Variants in ADK observed in about 807,000 individuals in gnomAD.
ADK encodes the protein adenosine kinase.
ADK carries 24 observed loss-of-function variants against 44.7 expected under a neutral mutation model. The observed-to-expected ratio is 0.54, with a 90% CI of 0.39 to 0.76. The LOEUF is 0.76. Ranked by LOEUF, ADK falls within the 30% of genes least tolerant of loss-of-function variation. The pLI, the probability that ADK is intolerant of heterozygous loss-of-function variation, is 0.00. For missense variants in ADK, 321 were observed against 425.1 expected (o/e 0.76, Z 2.15); for synonymous variants, 128 against 142.6 (o/e 0.90, Z 0.73).
intron 6 of ADK, among the ~76,000 whole-genome samples, chr10:74,435,213 G>C (rs527789748): frequency 6.6e-6 from 1 of 152,170 alleles, no homozygotes; most frequent in African/African-American, 2.4e-5. Flanking sequence ...ATAACTGCTA[G>C]ATGGAATTGA....
At chr10:74,595,868 G>A (rs1851904365) in intron 8 of ADK, among the ~76,000 whole-genome samples, 2 of 150,864 alleles carry the variant, frequency 1.3e-5, no homozygotes, top group South Asian at 2.1e-4. Context: ...GTGGTGGCGG[G>A]CACCTGTAAT....
intron 6 of ADK, among the ~76,000 whole-genome samples, chr10:74,461,577 G>A (rs1170312181): frequency 1.3e-5 from 2 of 152,000 alleles, no homozygotes; most frequent in Non-Finnish European, 2.9e-5. Context: ...CTGACGTAGA[G>A]CTTTCCACAT....
rs969151457 is a variant in ADK, at chr10:74,515,056, C to T, written c.556-10200C>T. ...GCCCAGGCTTTTTCTTGCTTTTTCA[C>T]GGTTGATGTGTCCCTGTGTTGATTT... is the stretch of plus-strand genomic sequence containing the variant. On this transcript the variant is annotated intron_variant, in intron 6 of 10. Coordinates refer to ENST00000539909, the MANE Select transcript of ADK (RefSeq NM_006721.4). Among the ~76,000 whole-genome samples the T allele has an allele frequency of 3.3e-5, 5 of 152,132 alleles. No individual in the cohort carries two copies. The East Asian group carries it at 5.8e-4, about 18-fold the overall frequency.
At chr10:74,471,375 A>G (rs896811951) in intron 6 of ADK, among the ~76,000 whole-genome samples, 3 of 152,122 alleles carry the variant, frequency 2.0e-5, no homozygotes, top group Non-Finnish European at 4.4e-5. Flanking sequence ...TGCCTGGCCT[A>G]TCAGTACTAT....
intron 6 of ADK, among the ~76,000 whole-genome samples, chr10:74,414,392 A>G (rs1453578121): frequency 6.6e-6 from 1 of 152,164 alleles, no homozygotes; most frequent in Non-Finnish European, 1.5e-5. Flanking sequence ...TGTTACTTCC[A>G]CCTTAGTAGG....
chr10:74,229,598 C>T (rs1197688036), intron 3 of ADK, among the ~76,000 whole-genome samples: 5 of 151,908 alleles, frequency 3.3e-5, no homozygotes, highest in Admixed American at 6.6e-5. Context: ...AGGGTTTTGC[C>T]GTGTTAGCCA....
rs368233679 is a variant in ADK, at chr10:74,430,574, G to GC, written c.555+31996dup. Reference sequence around the variant, plus strand: ...GTTCATGACCAGCCTGGTCAACGTAGCAAGACCCCATCTCATTTTATAAAA... The same window carrying GC: ...GTTCATGACCAGCCTGGTCAACGTAGCCAAGACCCCATCTCATTTTATAAAA... On this transcript the variant is annotated intron_variant, in intron 6 of 10. Transcript: ENST00000539909. 4.9e-3 allele frequency among the ~76,000 whole-genome samples: 743 copies of GC among 152,146 alleles called. 9 individuals are homozygous for GC. The highest frequency in any genetic ancestry group is 0.017 in the African/African-American group (695 of 41,482).
intron 3 of ADK, among the ~76,000 whole-genome samples, chr10:74,239,093 T>C (rs927062832): frequency 6.6e-6 from 1 of 152,058 alleles, no homozygotes; most frequent in African/African-American, 2.4e-5. Flanking sequence ...TTTTAGGAAA[T>C]CACAGTGGGG....
chr10:74,232,864 T>C (rs1220915900), intron 3 of ADK, among the ~76,000 whole-genome samples: 3 of 152,114 alleles, frequency 2.0e-5, no homozygotes, highest in Admixed American at 2.0e-4. Context: ...GACCTCGTGA[T>C]CCACCCGCCT....
At chr10:74,670,392 G>A (rs1307942202) in intron 10 of ADK, 123 bp downstream of exon 10, 1 of 767,336 alleles carries the variant, frequency 1.3e-6, no homozygotes, top group Non-Finnish European at 2.2e-6. Flanking sequence ...ATTAACTTCT[G>A]AAGTTCTTTC....
At chr10:74,180,738 G>A (rs1051583867) in intron 1 of ADK, among the ~76,000 whole-genome samples, 8 of 152,156 alleles carry the variant, frequency 5.3e-5, no homozygotes, top group South Asian at 2.1e-4. Flanking sequence ...GATTACAGGC[G>A]TGAGCAACCG....
intron 9 of ADK, among the ~76,000 whole-genome samples, chr10:74,642,313 AT>A (rs1336243992): frequency 6.7e-6 from 1 of 149,014 alleles, no homozygotes; most frequent in Non-Finnish European, 1.5e-5. Flanking sequence ...GGAGTCCTCA[AT>A]TTTTTTTTCT....
At chr10:74,654,038 T>A (rs1056942505) in intron 9 of ADK, among the ~76,000 whole-genome samples, 1 of 151,922 alleles carries the variant, frequency 6.6e-6, no homozygotes, top group Non-Finnish European at 1.5e-5. Flanking sequence ...TCTAATGCAG[T>A]TTTTTCTTTT....
chr10:74,544,554 A>G (rs1237892247), intron 7 of ADK, among the ~76,000 whole-genome samples: 1 of 152,192 alleles, frequency 6.6e-6, no homozygotes, highest in Non-Finnish European at 1.5e-5. Context: ...AAATGAAAGC[A>G]CAGATAAAAT....
intron 9 of ADK, among the ~76,000 whole-genome samples, chr10:74,666,527 G>T (rs948072694): frequency 6.6e-6 from 1 of 152,180 alleles, no homozygotes; most frequent in Admixed American, 6.5e-5. Flanking sequence ...TAAATGCTAC[G>T]AATAATCTTA....
chr10:74,641,741 T>A (rs1246642033), intron 9 of ADK: 4 of 152,242 alleles, frequency 2.6e-5, no homozygotes, highest in Non-Finnish European at 5.9e-5. Context: ...CTGTTCGGGA[T>A]CTTTTCTAAG....
chr10:74,590,373 ATAT>A lies in ADK; in HGVS notation c.762+1060_762+1062del, dbSNP rs1851675730. On this transcript the variant is annotated intron_variant, in intron 8 of 10. Transcript: ENST00000539909. ...AGCTCACTTTGAACTCTAGAGAAAG[ATAT>A]TATATGAGTTTGTGAAACTCTTTTT... Among the ~76,000 whole-genome samples the A allele has an allele frequency of 2.6e-5, 4 of 152,158 alleles. No homozygotes were observed. In the South Asian group the frequency reaches 8.3e-4, roughly 32 times the overall value.
intron 4 of ADK, among the ~76,000 whole-genome samples, chr10:74,367,428 A>G (rs1343803973): frequency 6.6e-6 from 1 of 152,192 alleles, no homozygotes; most frequent in Non-Finnish European, 1.5e-5. Context: ...CTGAGGATAC[A>G]TGATTTTTAT....
rs971684446 is a variant in ADK at position 74,151,299 on chromosome 10, G to C, written c.21G>C (p.Glu7Asp). 1.9e-6 allele frequency: 3 copies of C among 1,549,634 alleles called. No homozygotes were observed. In the Admixed American group the frequency reaches 5.9e-5, roughly 30 times the overall value. Residue 7 changes from glutamate to aspartate, a missense_variant, in exon 1 of 11, where the codon GAG (glutamate) becomes GAC (aspartate). Transcript: ENST00000539909. ...CGAAGATGGCAGCTGCTGAGGAGGA[G>C]CCGAAGCCCAAAAAGCTGAAGGTGG... MAAAEE[E>D]PKPKKLKVEA...
Sources: allele counts gnomAD v4.1 joint callset (sites outside exome capture counted in the v4.1 genomes callset), GRCh38; gene constraint gnomAD v4.1.1; transcripts MANE v1.5; gene names NCBI Gene and HGNC (gene_info 2026-07-23, HGNC 2026-07-21).